The following CLEC16A variants were observed in gnomAD, a reference collection of about 807,000 sequenced individuals.
The protein encoded by CLEC16A is C-type lectin domain containing 16A.
CLEC16A carries 51 observed loss-of-function variants against 109.5 expected under a neutral mutation model. That is an observed-to-expected ratio of 0.47 (90% CI 0.37 to 0.59). CLEC16A has a LOEUF of 0.59. Among genes scored for constraint, CLEC16A ranks in the 20% least tolerant of loss-of-function variants. The pLI is 0.00. For synonymous variants in CLEC16A, 673 were observed against 564.2 expected (o/e 1.19, Z -2.73); for missense variants, 1,339 against 1,394.0 (o/e 0.96, Z 0.63).
intron 18 of CLEC16A, among the ~76,000 whole-genome samples, chr16:11,053,614 G>A (rs1343734607): frequency 5.9e-5 from 9 of 152,160 alleles, no homozygotes; most frequent in African/African-American, 7.2e-5. Context: ...CAAGCGATCC[G>A]CCCACCTCGG....
chr16:11,101,102 C>G (rs1481048678), intron 19 of CLEC16A, among the ~76,000 whole-genome samples: 1 of 152,128 alleles, frequency 6.6e-6, no homozygotes, highest in East Asian at 1.9e-4. Context: ...TCTTAATATG[C>G]TTAGTAAACT....
intron 4 of CLEC16A, among the ~76,000 whole-genome samples, chr16:10,969,760 A>G (rs2042692454): frequency 3.3e-5 from 5 of 152,330 alleles, no homozygotes; most frequent in Admixed American, 3.3e-4. Flanking sequence ...TGGGAAAAAC[A>G]GGAACTCCAG....
chr16:11,071,167 A>G (rs1039948162), intron 19 of CLEC16A: 1 of 152,188 alleles, frequency 6.6e-6, no homozygotes, highest in Non-Finnish European at 1.5e-5. Flanking sequence ...GTCTGTGAAA[A>G]TGTGAGCTCA....
rs538039246 is a variant in CLEC16A, at chr16:10,965,306, A to G, written c.343+2718A>G. Among the ~76,000 whole-genome samples, 3 of 152,374 alleles carry G rather than the reference A, an allele frequency of 2.0e-5. No homozygotes were observed. The South Asian group carries it at 6.2e-4, about 32-fold the overall frequency. On this transcript the variant is annotated intron_variant, in intron 3 of 23. Transcript: ENST00000409790. Reference sequence around the variant, plus strand: ...TGGATTTGTAAGGGGTGAGGAGGATAGAAGACCTTTGCTTTTATTTTTGTT... The same window carrying G: ...TGGATTTGTAAGGGGTGAGGAGGATGGAAGACCTTTGCTTTTATTTTTGTT...
At chr16:11,160,997 C>G (rs1193602548) in intron 22 of CLEC16A, among the ~76,000 whole-genome samples, 2 of 152,222 alleles carry the variant, frequency 1.3e-5, no homozygotes, top group Non-Finnish European at 2.9e-5. Flanking sequence ...TTGGCCACGA[C>G]TAGCTTCTGG....
At chr16:11,053,837 G>A (rs1313681140) in intron 18 of CLEC16A, among the ~76,000 whole-genome samples, 1 of 152,196 alleles carries the variant, frequency 6.6e-6, no homozygotes. Context: ...AGATCTGCTG[G>A]CTCTGCTCAG....
intron 11 of CLEC16A, among the ~76,000 whole-genome samples, chr16:11,012,423 G>A (rs980792083): frequency 1.3e-5 from 2 of 152,052 alleles, no homozygotes; most frequent in East Asian, 1.9e-4. Flanking sequence ...GTGAAACCCT[G>A]TCTCTACTAA....
chr16:10,944,755 A>G lies in CLEC16A; in HGVS notation c.38A>G (p.His13Arg). 1.2e-6 allele frequency: 2 copies of G among 1,609,882 alleles called. No homozygotes were observed. Among genetic ancestry groups the G allele is most frequent in the Non-Finnish European group, 1.7e-6 (2 of 1,178,942 alleles). ...GRSRSWVGGG[H>R]GKTSRNIHSL... The stretch of plus-strand genomic sequence containing the variant: ...TCGCGGAGCTGGGTGGGCGGGGGCC[A>G]TGGCAAGACTTCCCGCAACATCCAC... Residue 13 changes from histidine to arginine, a missense_variant, in exon 1 of 24, where the codon CAT becomes CGT. Transcript: ENST00000409790.
intron 11 of CLEC16A, 115 bp from the exon 12 acceptor site, chr16:11,020,078 G>A (rs1224890700): frequency 2.4e-6 from 3 of 1,248,970 alleles, no homozygotes; most frequent in South Asian, 3.6e-5. Context: ...TGTCGGACAT[G>A]TGCTTGATGT....
intron 19 of CLEC16A, among the ~76,000 whole-genome samples, chr16:11,081,651 C>T (rs940192437): frequency 1.3e-5 from 2 of 152,154 alleles, no homozygotes; most frequent in African/African-American, 4.8e-5. Context: ...TACAGGACAG[C>T]AGTTCCAAGC....
chr16:11,169,100 T>C (rs2068396574), intron 23 of CLEC16A, among the ~76,000 whole-genome samples: 1 of 152,126 alleles, frequency 6.6e-6, no homozygotes, highest in Admixed American at 6.5e-5. Flanking sequence ...TGCAGCCCCC[T>C]ACAAGGGGCA....
intron 19 of CLEC16A, among the ~76,000 whole-genome samples, chr16:11,095,198 G>A (rs2050535555): frequency 6.6e-6 from 1 of 151,946 alleles, no homozygotes. Context: ...GTAATGTTAT[G>A]GAACGTGGAA....
Position 11,132,305 on chromosome 16 carries a change from T to A in CLEC16A, c.2641+6159T>A, listed in dbSNP as rs563024329. ...TGCTTTCTGTCTCTATAGATTTACGTAGTCTGGGTATTTCATATCAATCAT... is the reference window on the plus strand; with the variant it reads ...TGCTTTCTGTCTCTATAGATTTACGAAGTCTGGGTATTTCATATCAATCAT... On this transcript the variant is annotated intron_variant, in intron 22 of 23. Transcript: ENST00000409790. Among the ~76,000 whole-genome samples the A allele has an allele frequency of 4.0e-5, 6 of 148,566 alleles. No individual in the cohort carries two copies. In the South Asian group the frequency reaches 1.3e-3, roughly 33 times the overall value.
Position 11,179,922 on chromosome 16 carries a change from A to G in CLEC16A, c.*1232A>G, listed in dbSNP as rs200143858. 1 of 152,552 alleles carries G rather than the reference A, an allele frequency of 6.6e-6. No homozygotes were observed. The highest frequency in any genetic ancestry group is 1.5e-5 in the Non-Finnish European group (1 of 68,368). 9.4% of individuals were successfully genotyped at this position (152,552 alleles called of 1,614,324 possible). On this transcript the variant is annotated 3_prime_UTR_variant, in exon 24 of 24. Coordinates refer to ENST00000409790, the MANE Select transcript of CLEC16A (RefSeq NM_015226.3). ...AGATGCATCAGACACAGCCCCCAAG[A>G]TGTTCCTTTCTACTCGGCCAGCTCG...
intron 22 of CLEC16A, among the ~76,000 whole-genome samples, chr16:11,151,661 A>C (rs1245471058): frequency 6.6e-6 from 1 of 152,206 alleles, no homozygotes; most frequent in African/African-American, 2.4e-5. Flanking sequence ...TCAGGCATTA[A>C]ATCAATCAGT....
At chr16:11,034,144 C>T (rs998958199) in intron 13 of CLEC16A, among the ~76,000 whole-genome samples, 4 of 152,190 alleles carry the variant, frequency 2.6e-5, no homozygotes, top group Admixed American at 1.3e-4. Context: ...TAAAGGGAAG[C>T]TTTTGCCATG....
At chr16:10,995,613 G>A (rs1405922336) in intron 10 of CLEC16A, among the ~76,000 whole-genome samples, 1 of 152,134 alleles carries the variant, frequency 6.6e-6, no homozygotes, top group Non-Finnish European at 1.5e-5. Flanking sequence ...AATTTCTCTG[G>A]TGCCCCCTTG....
intron 13 of CLEC16A, among the ~76,000 whole-genome samples, chr16:11,032,298 G>A (rs951340174): frequency 5.9e-5 from 9 of 152,174 alleles, no homozygotes; most frequent in Non-Finnish European, 8.8e-5. Context: ...CACAGGCAGC[G>A]ACTGAACTGT....
chr16:10,988,328 T>A (rs1041449160), intron 10 of CLEC16A, among the ~76,000 whole-genome samples: 2 of 152,208 alleles, frequency 1.3e-5, no homozygotes, highest in African/African-American at 4.8e-5. Context: ...ATCTGTTGTG[T>A]ACTTGTGCTG....
Sources: gnomAD v4.1 joint callset for allele counts (sites outside exome capture counted in the v4.1 genomes callset) on GRCh38, gnomAD v4.1.1 for gene constraint, MANE v1.5 for transcripts, NCBI Gene and HGNC (gene_info 2026-07-23, HGNC 2026-07-21) for gene names.